The following CA12 variants were observed in gnomAD, a reference collection of about 807,000 sequenced individuals.
CA12 encodes the protein carbonic anhydrase 12.
In CA12, 36 loss-of-function variants were observed where a neutral mutation model predicts 46.8. That is an observed-to-expected ratio of 0.77 (90% CI 0.59 to 1.02). The LOEUF (loss-of-function observed/expected upper bound fraction) is 1.02. CA12 is among the 50% of genes least tolerant of loss of function. The pLI, the probability that CA12 is intolerant of heterozygous loss-of-function variation, is 0.00. For synonymous variants in CA12, 202 were observed against 187.0 expected (o/e 1.08, Z -0.65); for missense variants, 436 against 451.4 (o/e 0.97, Z 0.31).
rs1463787240 is a variant in CA12 at position 63,378,757 on chromosome 15, C to G, written c.85+2879G>C. The G allele has an allele frequency of 6.6e-6, 1 of 152,216 alleles. No homozygotes were observed. The highest frequency in any genetic ancestry group is 2.4e-5 in the African/African-American group (1 of 41,458). 9.4% of individuals were successfully genotyped at this position (152,216 alleles called of 1,614,324 possible). Reference sequence around the variant, plus strand: ...GATATAATAAGCCAGATCATTACCTCTTAGCAGGCAGAACAGTTGGAGGCC... The same window carrying G: ...GATATAATAAGCCAGATCATTACCTGTTAGCAGGCAGAACAGTTGGAGGCC... On this transcript the variant is annotated intron_variant, in intron 1 of 10. Coordinates refer to ENST00000178638, the MANE Select transcript of CA12 (RefSeq NM_001218.5). The surrounding 1 kb of genome is among the most constrained non-coding windows in gnomAD (Gnocchi z 4.8).
chr15:63,342,655 T>C (rs2039095991), intron 4 of CA12, among the ~76,000 whole-genome samples: 1 of 152,152 alleles, frequency 6.6e-6, no homozygotes, highest in South Asian at 2.1e-4. Flanking sequence ...AACTCCCTCT[T>C]CCCATCATGG....
intron 4 of CA12, 56 bp from the exon 5 acceptor site, chr15:63,342,153 G>C: frequency 8.6e-7 from 1 of 1,161,258 alleles, no homozygotes; most frequent in Non-Finnish European, 1.3e-6. Context: ...GGAGCCTGTC[G>C]CTTCTGCAGA....
intron 1 of CA12, 25 bp from the exon 2 acceptor site, chr15:63,375,703 T>C (rs766807397): frequency 5.1e-6 from 8 of 1,568,978 alleles, no homozygotes; most frequent in Non-Finnish European, 7.0e-6. Flanking sequence ...ACACAGTAAG[T>C]AAGTACAATG....
intron 2 of CA12, among the ~76,000 whole-genome samples, chr15:63,371,912 A>C (rs1379276327): frequency 1.3e-5 from 2 of 152,158 alleles, no homozygotes; most frequent in Non-Finnish European, 2.9e-5. Flanking sequence ...AGGACTAAAA[A>C]AGCTATCAGA....
chr15:63,346,231 C>T (rs2039145562), intron 3 of CA12, among the ~76,000 whole-genome samples: 1 of 152,114 alleles, frequency 6.6e-6, no homozygotes, highest in African/African-American at 2.4e-5. Context: ...CGTTTATGGT[C>T]CAGAATTCAC....
intron 2 of CA12, among the ~76,000 whole-genome samples, chr15:63,363,047 G>A (rs576542680): frequency 1.3e-5 from 2 of 152,322 alleles, no homozygotes; most frequent in Admixed American, 1.3e-4. Context: ...GCTGTGCTGT[G>A]AGGAATCACT....
intron 2 of CA12, among the ~76,000 whole-genome samples, chr15:63,353,690 T>A (rs375315610): frequency 4.6e-5 from 7 of 152,130 alleles, no homozygotes; most frequent in South Asian, 4.2e-4. Context: ...AAACCAGACA[T>A]CCTCAGGATG....
chr15:63,356,074 C>G (rs1417164918), intron 2 of CA12, among the ~76,000 whole-genome samples: 2 of 152,062 alleles, frequency 1.3e-5, no homozygotes, highest in Non-Finnish European at 2.9e-5. Context: ...TGTTTCTAAC[C>G]ATGTTTTCAT....
rs1414033203 is a variant in CA12, at chr15:63,355,168, C to A, written c.107-8459G>T. On this transcript the variant is annotated intron_variant, in intron 2 of 10. Transcript: ENST00000178638. The surrounding 1 kb of genome is among the most constrained non-coding windows in gnomAD (Gnocchi z 4.1). ...GGACTTTTCTGTGTCTGCTCCCACC[C>A]CTCCTTTTCGTTCCAGCAGCGCTGA... 6.6e-6 allele frequency among the ~76,000 whole-genome samples: 1 copy of A among 152,148 alleles called. No homozygotes were observed. The highest frequency in any genetic ancestry group is 1.5e-5 in the Non-Finnish European group (1 of 68,022).
chr15:63,326,870 AG>A (rs912643373), intron 10 of CA12, among the ~76,000 whole-genome samples: 3 of 152,240 alleles, frequency 2.0e-5, no homozygotes, highest in African/African-American at 7.2e-5. Flanking sequence ...ACAAGCCCCA[AG>A]TCAAGAGACT....
intron 2 of CA12, among the ~76,000 whole-genome samples, chr15:63,357,820 C>G (rs1441192662): frequency 6.6e-6 from 1 of 152,162 alleles, no homozygotes; most frequent in Non-Finnish European, 1.5e-5. Context: ...AAGCAGTCAC[C>G]TCCCACTCTC....
intron 2 of CA12, among the ~76,000 whole-genome samples, chr15:63,371,475 G>GCCA (rs2039506302): frequency 6.6e-6 from 1 of 152,190 alleles, no homozygotes; most frequent in East Asian, 1.9e-4. Flanking sequence ...CACAGCCACA[G>GCCA]CCAGCCACCT....
chr15:63,348,201 G>A lies in CA12; in HGVS notation c.107-1492C>T, dbSNP rs138253638. Among the ~76,000 whole-genome samples the A allele has an allele frequency of 7.9e-5, 12 of 152,256 alleles. No individual in the cohort carries two copies. The highest frequency in any genetic ancestry group is 3.4e-3 in the Middle Eastern group (1 of 294). On this transcript the variant is annotated intron_variant, in intron 2 of 10. Transcript: ENST00000178638. This position sits in a 1 kb window ranked among gnomAD's most constrained non-coding sequence, Gnocchi z 4.6. ...ATTTTCAGAAATGTTACAGCATGAC[G>A]GAATTGCAGAATCTCCAGTCCAACC... is the stretch of plus-strand genomic sequence containing the variant.
At position 63,327,966 on chromosome 15, in the gene CA12, G is replaced by C; in HGVS notation, c.907+132C>G. The C allele has an allele frequency of 1.2e-6, 1 of 811,424 alleles. No individual in the cohort carries two copies. Among genetic ancestry groups the C allele is most frequent in the Non-Finnish European group, 2.1e-6 (1 of 469,306 alleles). 50.3% of individuals were successfully genotyped at this position (811,424 alleles called of 1,614,324 possible). A position where few individuals can be genotyped will look rare whatever the true frequency, so the allele number is the denominator to read the frequency against. On this transcript the variant is annotated intron_variant, in intron 9 of 10. Coordinates refer to ENST00000178638, the MANE Select transcript of CA12 (RefSeq NM_001218.5). The surrounding 1 kb of genome is among the most constrained non-coding windows in gnomAD (Gnocchi z 4.5). ...GAATCACAGAGCGACTTGAGGGTAA[G>C]ACCCATAGCAAGGAGAGGGCCAGGA...
At chr15:63,332,657 G>A (rs1567041394) in intron 8 of CA12, among the ~76,000 whole-genome samples, 1 of 152,226 alleles carries the variant, frequency 6.6e-6, no homozygotes. Flanking sequence ...TGACAGCTAA[G>A]TTCTGATCGT....
intron 2 of CA12, among the ~76,000 whole-genome samples, chr15:63,353,575 G>A (rs2039260333): frequency 6.6e-6 from 1 of 152,116 alleles, no homozygotes; most frequent in Non-Finnish European, 1.5e-5. Flanking sequence ...CTCTCTGGGG[G>A]TCATCCAACA....
chr15:63,354,763 T>C (rs1376856835), intron 2 of CA12, among the ~76,000 whole-genome samples: 1 of 152,082 alleles, frequency 6.6e-6, no homozygotes, highest in Non-Finnish European at 1.5e-5. Flanking sequence ...CCAGCCATGG[T>C]GGTGGGGGCC....
chr15:63,347,340 C>T (rs1239320483), intron 2 of CA12, among the ~76,000 whole-genome samples: 1 of 152,180 alleles, frequency 6.6e-6, no homozygotes, highest in Non-Finnish European at 1.5e-5. Flanking sequence ...AGAGAAACCC[C>T]TGAGGACATT....
At position 63,340,181 on chromosome 15, in the gene CA12, G is replaced by A; in HGVS notation, c.747+107C>T. On this transcript the variant is annotated intron_variant, in intron 7 of 10. Coordinates refer to ENST00000178638, the MANE Select transcript of CA12 (RefSeq NM_001218.5). The surrounding 1 kb of genome is among the most constrained non-coding windows in gnomAD (Gnocchi z 4.4). The stretch of plus-strand genomic sequence containing the variant: ...GTGATATTTGGAGAGGTTTTGAAGA[G>A]CTGCCAATGAAACTAAATGAGGAAA... The A allele has an allele frequency of 8.5e-6, 11 of 1,292,118 alleles. No individual in the cohort carries two copies. The highest frequency in any genetic ancestry group is 1.0e-5 in the Non-Finnish European group (9 of 903,760). The allele number at this position is 1,292,118 out of a possible 1,614,324, so 80.0% of individuals were successfully genotyped here.
Sources: gnomAD v4.1 joint callset for allele counts (sites outside exome capture counted in the v4.1 genomes callset) on GRCh38, gnomAD v4.1.1 for gene constraint, Gnocchi (gnomAD v3.1) non-coding constraint, MANE v1.5 for transcripts, NCBI Gene and HGNC (gene_info 2026-07-23, HGNC 2026-07-21) for gene names.